Variants in CYP2C19 observed in about 807,000 individuals in gnomAD.
The protein encoded by CYP2C19 is cytochrome P450 family 2 subfamily C member 19.
In CYP2C19, 59 loss-of-function variants were observed where a neutral mutation model predicts 40.9. The ratio of observed to expected loss-of-function variants is 1.44; its 90% CI spans 1.17 to 1.79. The LOEUF (loss-of-function observed/expected upper bound fraction) is 1.79. Ranked by LOEUF, CYP2C19 falls within the 40% of genes most tolerant of loss-of-function variation. The pLI is 0.00. For synonymous variants in CYP2C19, 253 were observed against 208.7 expected, an observed-to-expected ratio of 1.21 and a Z score of -1.83; for missense variants, 754 against 596.9, an observed-to-expected ratio of 1.26 and a Z score of -2.74.
chr10:94,848,550 T>A (rs2039873194), intron 7 of CYP2C19, among the ~76,000 whole-genome samples: 2 of 152,190 alleles, frequency 1.3e-5, no homozygotes, highest in African/African-American at 4.8e-5. Context: ...AGGATTGACT[T>A]GGCAATGCAG....
chr10:94,841,606 C>T (rs1373521017), intron 6 of CYP2C19, among the ~76,000 whole-genome samples: 1 of 152,148 alleles, frequency 6.6e-6, no homozygotes, highest in African/African-American at 2.4e-5. Context: ...AAAATTTTCT[C>T]CATTTTTGAT....
chr10:94,772,470 T>C (rs1026557820), intron 1 of CYP2C19, among the ~76,000 whole-genome samples: 2 of 151,962 alleles, frequency 1.3e-5, no homozygotes, highest in Non-Finnish European at 2.9e-5. Flanking sequence ...CAAGAGGAAG[T>C]TTGTCTGGCA....
chr10:94,815,444 C>G (rs1848987135), intron 5 of CYP2C19, among the ~76,000 whole-genome samples: 1 of 152,148 alleles, frequency 6.6e-6, no homozygotes, highest in Admixed American at 6.6e-5. Flanking sequence ...TCAAAACTTT[C>G]CCCTTATTGT....
chr10:94,849,871 T>C, intron 7 of CYP2C19, 46 bp from the exon 8 acceptor site: 3 of 1,610,850 alleles, frequency 1.9e-6, no homozygotes, highest in Non-Finnish European at 1.7e-6. Flanking sequence ...TCTTAAACCT[T>C]CGTGACTTCT....
intron 5 of CYP2C19, among the ~76,000 whole-genome samples, chr10:94,806,082 C>A (rs1012003039): frequency 4.0e-5 from 6 of 151,698 alleles, no homozygotes; most frequent in Non-Finnish European, 8.8e-5. Context: ...CCGTGGCAAC[C>A]AACATTCTAC....
intron 5 of CYP2C19, among the ~76,000 whole-genome samples, chr10:94,791,270 T>C (rs1848602097): frequency 6.6e-6 from 1 of 152,142 alleles, no homozygotes; most frequent in Non-Finnish European, 1.5e-5. Context: ...TCTCCTTTAT[T>C]ATTTTTGCTA....
chr10:94,833,904 G>A (rs1564680590), intron 6 of CYP2C19, among the ~76,000 whole-genome samples: 1 of 152,122 alleles, frequency 6.6e-6, no homozygotes, highest in Non-Finnish European at 1.5e-5. Flanking sequence ...TGGTTTCCTA[G>A]TATTTTGTTG....
intron 5 of CYP2C19, among the ~76,000 whole-genome samples, chr10:94,800,981 A>G (rs1589359114): frequency 6.6e-6 from 1 of 152,172 alleles, no homozygotes; most frequent in Admixed American, 6.5e-5. Flanking sequence ...TTCCTGGGTG[A>G]GGCAGTGCCC....
chr10:94,833,640 C>A (rs990484702), intron 6 of CYP2C19, among the ~76,000 whole-genome samples: 2 of 152,046 alleles, frequency 1.3e-5, no homozygotes, highest in East Asian at 1.9e-4. Context: ...GAGTTCATGT[C>A]CTTTGTAGGA....
chr10:94,849,674 TC>T (rs1849623524), intron 7 of CYP2C19, among the ~76,000 whole-genome samples: 1 of 132,444 alleles, frequency 7.6e-6, no homozygotes, highest in Admixed American at 8.6e-5. Context: ...ATGTTCCCCT[TC>T]CTGTGTCCAT....
At chr10:94,800,283 G>A (rs184539929) in intron 5 of CYP2C19, among the ~76,000 whole-genome samples, 1 of 152,336 alleles carries the variant, frequency 6.6e-6, no homozygotes, top group East Asian at 1.9e-4. Context: ...GTCTGTTGGA[G>A]TTTGTTGGAG....
In CYP2C19 at chr10:94,820,814, G is replaced by C. The variant is rs572811955; in HGVS notation, c.961+177G>C. ...AAATGGAATATCCTGGCCTGGTGCA[G>C]TGGCTCATGATTGTAATCCCAGCCC... On this transcript the variant is annotated intron_variant, in intron 6 of 8. Coordinates refer to ENST00000371321, the MANE Select transcript of CYP2C19 (RefSeq NM_000769.4). Among the ~76,000 whole-genome samples the C allele has an allele frequency of 3.3e-5, 5 of 152,370 alleles. No homozygotes were observed. The South Asian group carries it at 1.0e-3, about 32-fold the overall frequency.
intron 6 of CYP2C19, among the ~76,000 whole-genome samples, chr10:94,828,949 C>T (rs1020206615): frequency 1.1e-3 from 163 of 151,798 alleles, no homozygotes; most frequent in Non-Finnish European, 2.0e-3. Context: ...ATATGAAATT[C>T]TGGGTTGAAA....
rs1021253417 is a variant in CYP2C19 at position 94,795,439 on chromosome 10, T to C, written c.819+13442T>C. 3.4e-4 allele frequency among the ~76,000 whole-genome samples: 52 copies of C among 152,066 alleles called. 1 individual carries two copies. The highest frequency in any genetic ancestry group is 6.8e-4 in the Non-Finnish European group (46 of 68,006). ...TTGGGTTGGTTCCAAGTCTTTGCTA[T>C]TGTGAATAGTGCCGCAATAAATGTA... is the stretch of plus-strand genomic sequence containing the variant. On this transcript the variant is annotated intron_variant, in intron 5 of 8. Transcript: ENST00000371321.
chr10:94,830,312 G>A lies in CYP2C19; in HGVS notation c.961+9675G>A, dbSNP rs528521790. ...CTGTGCTAGCAATTAGTGAGACTCC[G>A]TGGGCGTAGGACCCTCCGAGCCAGG... On this transcript the variant is annotated intron_variant, in intron 6 of 8. Transcript: ENST00000371321. Among the ~76,000 whole-genome samples, 6 of 152,276 alleles carry A rather than the reference G, an allele frequency of 3.9e-5. No homozygotes were observed. The South Asian group carries it at 1.2e-3, about 32-fold the overall frequency.
chr10:94,787,683 G>A (rs535025988), intron 5 of CYP2C19, among the ~76,000 whole-genome samples: 1 of 152,182 alleles, frequency 6.6e-6, no homozygotes, highest in South Asian at 2.1e-4. Flanking sequence ...TATGGTGCAA[G>A]GAAGTGTTCC....
intron 5 of CYP2C19, among the ~76,000 whole-genome samples, chr10:94,806,445 T>C (rs1848837424): frequency 6.6e-6 from 1 of 152,036 alleles, no homozygotes; most frequent in Non-Finnish European, 1.5e-5. Context: ...GGATATGTGG[T>C]AATTCTATTT....
chr10:94,826,379 T>A (rs891043810), intron 6 of CYP2C19, among the ~76,000 whole-genome samples: 2 of 152,196 alleles, frequency 1.3e-5, no homozygotes, highest in African/African-American at 2.4e-5. Flanking sequence ...TTCACATCCC[T>A]TGTAAGTTGG....
chr10:94,813,089 T>C (rs1294553972), intron 5 of CYP2C19, among the ~76,000 whole-genome samples: 1 of 152,026 alleles, frequency 6.6e-6, no homozygotes, highest in Admixed American at 6.5e-5. Flanking sequence ...TGCTATTCCT[T>C]TCTGTTTGCT....
Sources: allele counts gnomAD v4.1 joint callset (sites outside exome capture counted in the v4.1 genomes callset), GRCh38; gene constraint gnomAD v4.1.1; transcripts MANE v1.5; gene names NCBI Gene and HGNC (gene_info 2026-07-23, HGNC 2026-07-21).